The following KCNG1 variants were observed in gnomAD, a reference collection of about 807,000 sequenced individuals.
The protein encoded by KCNG1 is voltage-gated potassium channel regulatory subunit KCNG1.
A neutral mutation model predicts 32.4 loss-of-function variants in KCNG1; 17 were observed. The observed-to-expected ratio is 0.52, with a 90% confidence interval of 0.36 to 0.79. The LOEUF is 0.79. Among genes scored for constraint, KCNG1 ranks in the 30% least tolerant of loss-of-function variants. KCNG1 has a pLI of 0.00. For synonymous variants in KCNG1, 358 were observed against 339.9 expected (o/e 1.05, Z -0.59); for missense variants, 441 against 735.2 (o/e 0.60, Z 4.63).
At chr20:51,008,078 C>T (rs376979969) in intron 2 of KCNG1, 4 of 152,152 alleles carry the variant, frequency 2.6e-5, no homozygotes, top group Admixed American at 1.3e-4. Context: ...CAGTTCACAC[C>T]GCCATACCTA....
At chr20:51,017,837 G>A (rs1347853529) in intron 1 of KCNG1, among the ~76,000 whole-genome samples, 1 of 152,162 alleles carries the variant, frequency 6.6e-6, no homozygotes, top group Non-Finnish European at 1.5e-5. Context: ...AGAGGCTCTG[G>A]AAGGCTGTGA....
At chr20:51,007,996 C>A (rs929995442) in intron 2 of KCNG1, 1 of 152,182 alleles carries the variant, frequency 6.6e-6, no homozygotes, top group Non-Finnish European at 1.5e-5. Flanking sequence ...CGAGAGTGCA[C>A]GTAAAGCACT....
intron 1 of KCNG1, among the ~76,000 whole-genome samples, chr20:51,010,947 G>A (rs1235473791): frequency 6.6e-6 from 1 of 151,790 alleles, no homozygotes; most frequent in Non-Finnish European, 1.5e-5. Flanking sequence ...AGAAGAAGAG[G>A]AAGAGACACT....
In KCNG1 at chr20:51,009,952, G is replaced by T; in HGVS notation, c.387C>A (p.Thr129=). ...RNPGAFGTIL[T]FLRAGKLRLL... is the part of the protein sequence containing the mutation. ...GCCGCAGCTTGCCCGCGCGCAGGAA[G>T]GTCAGGATAGTGCCGAAGGCCCCCG... The change falls in exon 2 of 3, where the codon ACC becomes ACA. Residue 129 remains threonine, a synonymous_variant. Transcript: ENST00000371571. 1.2e-6 allele frequency: 2 copies of T among 1,613,918 alleles called. No homozygotes were observed. The highest frequency in any genetic ancestry group is 1.7e-6 in the Non-Finnish European group (2 of 1,179,964).
Position 51,010,361 on chromosome 20 carries a change from G to A in KCNG1, c.-23C>T. 1 of 1,499,174 alleles carries A rather than the reference G, an allele frequency of 6.7e-7. No homozygotes were observed. Among genetic ancestry groups the A allele is most frequent in the African/African-American group, 1.4e-5 (1 of 71,654 alleles). The allele number at this position is 1,499,174 out of a possible 1,614,324, so 92.9% of individuals were successfully genotyped here. A position where few individuals can be genotyped will look rare whatever the true frequency, so the allele number is the denominator to read the frequency against. On this transcript the variant is annotated 5_prime_UTR_variant, in exon 2 of 3. Transcript: ENST00000371571. ...CATTTTGGGCCTTCACATCCCTCTCGGGCCTGTGGGGAGAAGGGAGGGAAG... is the reference window on the plus strand; with the variant it reads ...CATTTTGGGCCTTCACATCCCTCTCAGGCCTGTGGGGAGAAGGGAGGGAAG...
At position 51,004,354 on chromosome 20, in the gene KCNG1, G is replaced by A; in HGVS notation, c.1227C>T (p.Thr409=). 1 of 1,613,914 alleles carries A rather than the reference G, an allele frequency of 6.2e-7. No individual in the cohort carries two copies. Among genetic ancestry groups the A allele is most frequent in the South Asian group, 1.1e-5 (1 of 91,086 alleles). ...ENEMADSPEF[T]SIPACYWWAV... Reference sequence around the variant, plus strand: ...CCCACCAGTAGCAGGCAGGGATGCTGGTGAACTCGGGGCTGTCGGCCATCT... The same window carrying A: ...CCCACCAGTAGCAGGCAGGGATGCTAGTGAACTCGGGGCTGTCGGCCATCT... Residue 409 remains threonine, a synonymous_variant, in exon 3 of 3, where the codon ACC becomes ACT. Coordinates refer to ENST00000371571, the MANE Select transcript of KCNG1 (RefSeq NM_002237.4). This position sits in a 1 kb window ranked among gnomAD's most constrained non-coding sequence, Gnocchi z 4.3.
Position 51,005,615 on chromosome 20 carries a change from T to A in KCNG1, c.775-809A>T, listed in dbSNP as rs1466631200. On this transcript the variant is annotated intron_variant, in intron 2 of 2. Coordinates refer to ENST00000371571, the MANE Select transcript of KCNG1 (RefSeq NM_002237.4). This position sits in a 1 kb window ranked among gnomAD's most constrained non-coding sequence, Gnocchi z 4.0. The stretch of plus-strand genomic sequence containing the variant: ...GATAAAATGTTGATTTAAGTCCTGG[T>A]GATAATTCAGTGCAAAGAAATACTC... 1 of 152,218 alleles carries A rather than the reference T, an allele frequency of 6.6e-6. No individual in the cohort carries two copies. The highest frequency in any genetic ancestry group is 1.5e-5 in the Non-Finnish European group (1 of 68,042). 9.4% of individuals were successfully genotyped at this position (152,218 alleles called of 1,614,324 possible). A position where few individuals can be genotyped will look rare whatever the true frequency, so the allele number is the denominator to read the frequency against.
intron 1 of KCNG1, among the ~76,000 whole-genome samples, chr20:51,018,161 G>A (rs748470678): frequency 3.9e-5 from 6 of 152,294 alleles, no homozygotes; most frequent in East Asian, 1.9e-4. Flanking sequence ...TTGGGAGGGC[G>A]GAATGGGATG....
chr20:51,007,733 C>T (rs6126142), intron 2 of KCNG1, among the ~76,000 whole-genome samples: 117,564 of 151,716 alleles, frequency 0.77, 46,326 homozygotes, highest in Middle Eastern at 0.87. Context: ...CAAGATCGCA[C>T]CACTGTACTC....
Position 51,018,134 on chromosome 20 carries a change from G to A in KCNG1, c.-27+4736C>T, listed in dbSNP as rs560125376. On this transcript the variant is annotated intron_variant, in intron 1 of 2. Transcript: ENST00000371571. ...CACATGACTGAGGGTACAGGTGCGG[G>A]ACCTGTGGGGTGGGATTTGGGAGGG... is the stretch of plus-strand genomic sequence containing the variant. 5.3e-5 allele frequency among the ~76,000 whole-genome samples: 8 copies of A among 152,318 alleles called. No individual in the cohort carries two copies. In the South Asian group the frequency reaches 8.3e-4, roughly 16 times the overall value.
At chr20:51,010,428 A>T in intron 1 of KCNG1, 64 bp from the exon 2 acceptor site, 1 of 1,111,482 alleles carries the variant, frequency 9.0e-7, no homozygotes, top group Non-Finnish European at 1.3e-6. Context: ...CTGAGAATGC[A>T]GATTCCGCAG....
chr20:51,022,265 G>T (rs2123291658), intron 1 of KCNG1, among the ~76,000 whole-genome samples: 1 of 152,242 alleles, frequency 6.6e-6, no homozygotes, highest in African/African-American at 2.4e-5. Flanking sequence ...CATACCTCCG[G>T]GCTGAGCCTC....
Position 51,004,052 on chromosome 20 carries a change from C to T in KCNG1, c.1529G>A (p.Arg510Lys), listed in dbSNP as rs763411967. 3.7e-6 allele frequency: 6 copies of T among 1,614,012 alleles called. No individual in the cohort carries two copies. The highest frequency in any genetic ancestry group is 1.1e-5 in the South Asian group (1 of 91,084). Residue 510 changes from arginine (R) to lysine (K), a missense_variant, in exon 3 of 3, where the codon AGA (arginine) becomes AAA (lysine). This residue lies in a region of KCNG1 where 53 missense variants were observed against 79.1 expected (regional missense o/e 0.67). Transcript: ENST00000371571. This position sits in a 1 kb window ranked among gnomAD's most constrained non-coding sequence, Gnocchi z 4.3. Reference protein sequence around the residue: ...ILFGSASSDTRDNN With the variant: ...ILFGSASSDTKDNN ...TGTCCTCCGCGCTCAGTTATTGTCT[C>T]TGGTGTCCGAGGAGGCACTTCCGAA... is the stretch of plus-strand genomic sequence containing the variant.
At position 51,019,725 on chromosome 20, in the gene KCNG1, C is replaced by T. The variant is rs183696605; in HGVS notation, c.-27+3145G>A. On this transcript the variant is annotated intron_variant, in intron 1 of 2. Transcript: ENST00000371571. ...ACTCCCAGTGGGTGTCTCGGGGACCCGTCCGTCTCTCTCCATGCCACTCTT... is the reference window on the plus strand; with the variant it reads ...ACTCCCAGTGGGTGTCTCGGGGACCTGTCCGTCTCTCTCCATGCCACTCTT... 2.3e-3 allele frequency among the ~76,000 whole-genome samples: 355 copies of T among 151,608 alleles called. 1 individual carries two copies. The highest frequency in any genetic ancestry group is 4.8e-3 in the Admixed American group (73 of 15,242).
At chr20:51,008,159 T>C (rs1489396696) in intron 2 of KCNG1, 2 of 152,100 alleles carry the variant, frequency 1.3e-5, no homozygotes, top group Non-Finnish European at 2.9e-5. Flanking sequence ...AGAATCCCCA[T>C]ATACAGGGAA....
At position 51,004,649 on chromosome 20, in the gene KCNG1, G is replaced by A. The variant is rs773319616; in HGVS notation, c.932C>T (p.Pro311Leu). Reference sequence around the variant, plus strand: ...GTCCACCAGCAGCGTGATGTAGTAGGGCAGGATGGCCACCAGGTCGATCAG... The same window carrying A: ...GTCCACCAGCAGCGTGATGTAGTAGAGCAGGATGGCCACCAGGTCGATCAG... ...LTLIDLVAIL[P>L]YYITLLVDGA... The change falls in exon 3 of 3, where the codon CCC (proline) becomes CTC (leucine). Residue 311 changes from proline (P) to leucine (L), a missense_variant. By Grantham distance (98) the Pro-to-Leu change is moderately conservative. Coordinates refer to ENST00000371571, the MANE Select transcript of KCNG1 (RefSeq NM_002237.4). This position sits in a 1 kb window ranked among gnomAD's most constrained non-coding sequence, Gnocchi z 4.3. 36 of 1,602,202 alleles carry A rather than the reference G, an allele frequency of 2.2e-5. No homozygotes were observed.
chr20:51,017,077 C>CA (rs1988305693), intron 1 of KCNG1, among the ~76,000 whole-genome samples: 1 of 152,202 alleles, frequency 6.6e-6, no homozygotes, highest in South Asian at 2.1e-4. Context: ...GGGTTTGCTT[C>CA]TGGGGAACCA....
At chr20:51,013,474 C>A (rs1463762174) in intron 1 of KCNG1, among the ~76,000 whole-genome samples, 2 of 152,040 alleles carry the variant, frequency 1.3e-5, no homozygotes, top group East Asian at 3.9e-4. Flanking sequence ...ACAAACACAC[C>A]CGTACACAAA....
rs1365046699 is a variant in KCNG1, at chr20:51,009,790, C to T, written c.549G>A (p.Glu183=). 1 of 1,612,250 alleles carries T rather than the reference C, an allele frequency of 6.2e-7. No homozygotes were observed. Among genetic ancestry groups the T allele is most frequent in the African/African-American group, 1.3e-5 (1 of 75,064 alleles). Residue 183 remains glutamate (E), a synonymous_variant, in exon 2 of 3, where the codon GAG becomes GAA. Transcript: ENST00000371571. ...CGCTGTCCAGCGCGTCGTCCTCTTC[C>T]TCCCGCTCCACCATCTCCGCGAACT... ...IEEFAEMVER[E]EEDDALDSEG... is the part of the protein sequence containing the mutation.
Sources: allele counts gnomAD v4.1 joint callset (sites outside exome capture counted in the v4.1 genomes callset), GRCh38; gene constraint gnomAD v4.1.1; regional missense constraint gnomAD v4.1.1; non-coding constraint Gnocchi (gnomAD v3.1); transcripts MANE v1.5; gene names NCBI Gene and HGNC (gene_info 2026-07-23, HGNC 2026-07-21).